WWOX: variants seen among roughly 807,000 people sequenced by gnomAD.
WWOX encodes WW domain-containing oxidoreductase.
A neutral mutation model predicts 46.2 loss-of-function variants in WWOX; 69 were observed. The ratio of observed to expected loss-of-function variants is 1.49; its 90% CI spans 1.23 to 1.82. The LOEUF is 1.82. WWOX is among the 40% of genes most tolerant of loss of function. WWOX has a pLI of 0.00. For synonymous variants in WWOX, 359 were observed against 202.6 expected (o/e 1.77, Z -6.56); for missense variants, 919 against 542.6 (o/e 1.69, Z -6.89).
At chr16:78,569,058 C>A (rs982186273) in intron 8 of WWOX, among the ~76,000 whole-genome samples, 20 of 152,174 alleles carry the variant, frequency 1.3e-4, no homozygotes, top group African/African-American at 4.8e-4. Context: ...GCCTCTTGGG[C>A]TGGCTCATTA....
At chr16:78,497,544 A>AG (rs397688673) in intron 8 of WWOX, among the ~76,000 whole-genome samples, 9 of 151,904 alleles carry the variant, frequency 5.9e-5, no homozygotes, top group Non-Finnish European at 1.0e-4. Flanking sequence ...ACAGAAAGAG[A>AG]ATATTTGCAA....
chr16:78,291,862 C>T (rs1329032567), intron 5 of WWOX, among the ~76,000 whole-genome samples: 5 of 151,528 alleles, frequency 3.3e-5, no homozygotes, highest in East Asian at 1.9e-4. Context: ...GTCTGATGGC[C>T]GCCAGCTGAG....
intron 8 of WWOX, among the ~76,000 whole-genome samples, chr16:78,620,087 A>G (rs1424631467): frequency 1.3e-5 from 2 of 152,204 alleles, no homozygotes; most frequent in African/African-American, 4.8e-5. Flanking sequence ...ATGAGTTAGA[A>G]TACCTAGGAC....
At chr16:78,884,956 A>T (rs539083101) in intron 8 of WWOX, among the ~76,000 whole-genome samples, 38 of 152,318 alleles carry the variant, frequency 2.5e-4, no homozygotes, top group Middle Eastern at 3.4e-3. Flanking sequence ...CCCAGTCATT[A>T]ATGCATACCC....
intron 8 of WWOX, among the ~76,000 whole-genome samples, chr16:78,934,508 C>CAAAAAAAA (rs760272326): frequency 2.7e-5 from 2 of 73,902 alleles, no homozygotes; most frequent in Non-Finnish European, 5.0e-5. Context: ...AACCCTGTAT[C>CAAAAAAAA]AAAAAAAAAA....
intron 8 of WWOX, among the ~76,000 whole-genome samples, chr16:78,806,123 T>G (rs190741482): frequency 3.5e-4 from 53 of 152,328 alleles, no homozygotes; most frequent in African/African-American, 1.3e-3. Context: ...CATTAGGCTG[T>G]CTGTTTTCTT....
At chr16:79,054,883 G>A (rs564871830) in intron 8 of WWOX, among the ~76,000 whole-genome samples, 3 of 152,146 alleles carry the variant, frequency 2.0e-5, no homozygotes, top group African/African-American at 7.2e-5. Flanking sequence ...AAGAAATTGT[G>A]TTATAAAAGG....
At chr16:79,074,276 C>T (rs951809391) in intron 8 of WWOX, among the ~76,000 whole-genome samples, 1 of 151,928 alleles carries the variant, frequency 6.6e-6, no homozygotes, top group Admixed American at 6.6e-5. Flanking sequence ...ATGTCAGGAA[C>T]CTGGGTTTCT....
At chr16:78,695,104 A>G (rs2048071103) in intron 8 of WWOX, among the ~76,000 whole-genome samples, 1 of 152,192 alleles carries the variant, frequency 6.6e-6, no homozygotes, top group Non-Finnish European at 1.5e-5. Context: ...TTACCATGTT[A>G]CTACTCGTGG....
At chr16:78,436,894 G>C (rs1597084071) in intron 8 of WWOX, among the ~76,000 whole-genome samples, 3 of 152,186 alleles carry the variant, frequency 2.0e-5, no homozygotes, top group Admixed American at 6.5e-5. Flanking sequence ...TCTGCTATTT[G>C]AATGCAGACA....
chr16:78,761,521 C>T (rs1347115916), intron 8 of WWOX, among the ~76,000 whole-genome samples: 1 of 152,228 alleles, frequency 6.6e-6, no homozygotes, highest in East Asian at 1.9e-4. Context: ...TCTTTCTCTG[C>T]TCATCTACCC....
At chr16:78,653,266 C>G (rs932605145) in intron 8 of WWOX, among the ~76,000 whole-genome samples, 12 of 152,084 alleles carry the variant, frequency 7.9e-5, no homozygotes, top group African/African-American at 2.7e-4. Context: ...TAACCATTCC[C>G]TAGTGTTGGA....
intron 4 of WWOX, among the ~76,000 whole-genome samples, chr16:78,148,233 G>C (rs1374919346): frequency 6.6e-6 from 1 of 152,192 alleles, no homozygotes; most frequent in African/African-American, 2.4e-5. Context: ...GAAACACTTT[G>C]GTTGTCTTAG....
chr16:78,176,635 A>G (rs1326886193), intron 5 of WWOX, among the ~76,000 whole-genome samples: 1 of 152,232 alleles, frequency 6.6e-6, no homozygotes, highest in Admixed American at 6.5e-5. Flanking sequence ...GCACTTTGAC[A>G]GCCCTTCAGA....
At chr16:78,488,812 A>G (rs1370965517) in intron 8 of WWOX, among the ~76,000 whole-genome samples, 4 of 152,172 alleles carry the variant, frequency 2.6e-5, no homozygotes, top group Non-Finnish European at 4.4e-5. Flanking sequence ...TGATATCATT[A>G]TGGCAGATCA....
intron 8 of WWOX, among the ~76,000 whole-genome samples, chr16:79,096,368 CT>C (rs1335154640): frequency 6.6e-6 from 1 of 152,134 alleles, no homozygotes; most frequent in African/African-American, 2.4e-5. Flanking sequence ...CGTCCTCTCC[CT>C]TCCCCCATTG....
chr16:78,293,978 G>GAAAAAACAAAAAAA (rs2079900561), intron 5 of WWOX, among the ~76,000 whole-genome samples: 1 of 30,310 alleles, frequency 3.3e-5, no homozygotes, highest in Non-Finnish European at 6.7e-5. Context: ...CTCTGTCTCA[G>GAAAAAACAAAAAAA]AAAAAAAAAA....
chr16:78,958,037 G>A (rs79548483), intron 8 of WWOX, among the ~76,000 whole-genome samples: 1,756 of 152,248 alleles, frequency 0.012, 26 homozygotes, highest in African/African-American at 0.039. Context: ...GTTTTCTGGC[G>A]CGTGGTATGC....
At position 78,611,695 on chromosome 16, in the gene WWOX, G is replaced by C. The variant is rs949954104; in HGVS notation, c.1056+178943G>C. ...GCAGAACAAACAGTTCCAAATATCA[G>C]TGCTTTCAGCAACTCATATATTTCT... On this transcript the variant is annotated intron_variant, in intron 8 of 8. Coordinates refer to ENST00000566780, the MANE Select transcript of WWOX (RefSeq NM_016373.4). Among the ~76,000 whole-genome samples, 6 of 152,230 alleles carry C rather than the reference G, an allele frequency of 3.9e-5. 1 individual carries two copies. The highest frequency in any genetic ancestry group is 8.8e-5 in the Non-Finnish European group (6 of 68,042).
Sources: allele counts gnomAD v4.1 joint callset (sites outside exome capture counted in the v4.1 genomes callset), GRCh38; gene constraint gnomAD v4.1.1; transcripts MANE v1.5; gene names NCBI Gene and HGNC (gene_info 2026-07-23, HGNC 2026-07-21).